INSL6: variants seen among roughly 807,000 people sequenced by gnomAD.
The protein encoded by INSL6 is insulin like 6, also known as insulin-like peptide INSL6.
A neutral mutation model predicts 9.4 loss-of-function variants in INSL6; 16 were observed. That is an observed-to-expected ratio of 1.70 (90% CI 1.15 to 2.59). INSL6 has a LOEUF of 2.59. Ranked by LOEUF, INSL6 falls within the 30% of genes most tolerant of loss-of-function variation. The pLI is 0.00. For missense variants in INSL6, 391 were observed against 257.3 expected, an observed-to-expected ratio of 1.52 and a Z score of -3.56; for synonymous variants, 154 against 96.9, an observed-to-expected ratio of 1.59 and a Z score of -3.46.
chr9:5,147,328 G>A (rs1484630729), intron 2 of INSL6, among the ~76,000 whole-genome samples: 1 of 152,166 alleles, frequency 6.6e-6, no homozygotes, highest in Non-Finnish European at 1.5e-5. Flanking sequence ...TCCTTGGGTC[G>A]ACTGCAGCTT....
chr9:5,036,662 T>C, the INSL6 span, among the ~76,000 whole-genome samples: 3 of 152,200 alleles, frequency 2.0e-5, no homozygotes, highest in African/African-American at 4.8e-5. Flanking sequence ...TAGCCATGTG[T>C]AGAAAGCTGA....
chr9:5,032,841 C>G, the INSL6 span, among the ~76,000 whole-genome samples: 1 of 152,228 alleles, frequency 6.6e-6, no homozygotes, highest in Non-Finnish European at 1.5e-5. Flanking sequence ...GAGAGCACCT[C>G]TCCTCCTCCA....
the INSL6 span, among the ~76,000 whole-genome samples, chr9:5,052,407 T>C: frequency 7.1e-6 from 1 of 140,434 alleles, no homozygotes; most frequent in South Asian, 2.1e-4. Flanking sequence ...TGCTGCATCA[T>C]TTTTTTTTAC....
At chr9:5,150,428 G>T (rs371662268) in intron 2 of INSL6, among the ~76,000 whole-genome samples, 1 of 152,006 alleles carries the variant, frequency 6.6e-6, no homozygotes, top group Non-Finnish European at 1.5e-5. Context: ...TAAAAATTGT[G>T]CAAAGGACAT....
At chr9:5,183,417 C>A (rs959183059) in intron 1 of INSL6, among the ~76,000 whole-genome samples, 1 of 152,112 alleles carries the variant, frequency 6.6e-6, no homozygotes, top group Non-Finnish European at 1.5e-5. Context: ...TTTTTATTTT[C>A]TACAAGTCTT....
At chr9:5,091,616 A>G in the INSL6 span, 1 of 152,186 alleles carries the variant, frequency 6.6e-6, no homozygotes, top group Non-Finnish European at 1.5e-5. Context: ...TTAGATAATT[A>G]ATAGTAGAGT....
At chr9:5,021,999 C>T in the INSL6 span, 38 of 1,613,276 alleles carry the variant, frequency 2.4e-5, no homozygotes, top group South Asian at 3.8e-4. Context: ...TGGGAATGGC[C>T]TGCCTTACGA....
downstream of INSL6, among the ~76,000 whole-genome samples, chr9:5,162,295 C>T (rs144570037): frequency 1.3e-5 from 2 of 152,016 alleles, no homozygotes; most frequent in East Asian, 3.9e-4. Flanking sequence ...TGTACCACAT[C>T]ATTAGTGCAA....
At chr9:5,147,996 G>A (rs1564040959) in intron 2 of INSL6, among the ~76,000 whole-genome samples, 1 of 152,116 alleles carries the variant, frequency 6.6e-6, no homozygotes, top group African/African-American at 2.4e-5. Flanking sequence ...CAATCTTGAT[G>A]AGCTTCCTTG....
the INSL6 span, among the ~76,000 whole-genome samples, chr9:5,004,434 G>A: frequency 1.3e-5 from 2 of 152,132 alleles, no homozygotes; most frequent in South Asian, 4.2e-4. Context: ...ATGTCTTCCA[G>A]GTTCATCCAT....
downstream of INSL6, among the ~76,000 whole-genome samples, chr9:5,161,943 G>A (rs1824936679): frequency 6.6e-6 from 1 of 151,778 alleles, no homozygotes. Context: ...AATTAGCCAG[G>A]TGGTATGAAC....
At chr9:5,041,274 C>A in the INSL6 span, 2 of 1,155,264 alleles carry the variant, frequency 1.7e-6, no homozygotes, top group Admixed American at 1.8e-5. Flanking sequence ...CTCGGGCTGG[C>A]CAAGGGGTAC....
chr9:5,068,959 G>C, the INSL6 span: 1 of 930,064 alleles, frequency 1.1e-6, no homozygotes, highest in Non-Finnish European at 1.6e-6. Context: ...CATTTTGTCA[G>C]AATAATCACT....
chr9:5,175,803 T>A (rs1024431910), intron 1 of INSL6, among the ~76,000 whole-genome samples: 1 of 152,132 alleles, frequency 6.6e-6, no homozygotes, highest in Non-Finnish European at 1.5e-5. Flanking sequence ...CTGTCTCCCA[T>A]CACCCCCAGA....
the INSL6 span, chr9:5,022,161 A>G: frequency 6.2e-7 from 1 of 1,614,182 alleles, no homozygotes. Context: ...TGACCTTTCC[A>G]TCTGGGGAGT....
the INSL6 span, chr9:5,021,884 C>T: frequency 6.6e-6 from 5 of 757,662 alleles, no homozygotes; most frequent in Non-Finnish European, 1.1e-5. Context: ...CTGCCCGCCT[C>T]GGCCCCGCAA....
At chr9:5,011,417 T>G in the INSL6 span, among the ~76,000 whole-genome samples, 1 of 152,200 alleles carries the variant, frequency 6.6e-6, no homozygotes, top group African/African-American at 2.4e-5. Context: ...CTTGAACTCC[T>G]GGACTCAAGC....
chr9:5,086,011 T>C, the INSL6 span: 3 of 822,182 alleles, frequency 3.6e-6, no homozygotes, highest in South Asian at 2.7e-5. Context: ...AACTGTGATA[T>C]ACTATATACA....
the INSL6 span, among the ~76,000 whole-genome samples, chr9:5,008,962 A>C: frequency 6.6e-6 from 1 of 151,870 alleles, no homozygotes; most frequent in East Asian, 1.9e-4. Context: ...GTTTGTCTTG[A>C]CTGTCTTCCA....
Sources: gnomAD v4.1 joint callset for allele counts (sites outside exome capture counted in the v4.1 genomes callset) on GRCh38, gnomAD v4.1.1 for gene constraint, MANE v1.5 for transcripts, NCBI Gene and HGNC (gene_info 2026-07-23, HGNC 2026-07-21) for gene names.